CCDC201: variants seen among roughly 807,000 people sequenced by gnomAD.
CCDC201 encodes coiled-coil domain-containing protein 201.
intron 1 of CCDC201, among the ~76,000 whole-genome samples, chr7:45,870,111 C>A (rs1011402155): frequency 2.0e-5 from 3 of 152,138 alleles, no homozygotes; most frequent in African/African-American, 7.2e-5. Flanking sequence ...GCCACCGCAG[C>A]CAGCAGTTGC....
At chr7:45,881,178 G>A in the CCDC201 span, among the ~76,000 whole-genome samples, 1 of 152,080 alleles carries the variant, frequency 6.6e-6, no homozygotes, top group Admixed American at 6.6e-5. Context: ...GAAGATTCTT[G>A]GGGGAATGAG....
chr7:45,869,591 G>A (rs941538133), intron 1 of CCDC201, among the ~76,000 whole-genome samples: 1 of 152,070 alleles, frequency 6.6e-6, no homozygotes, highest in African/African-American at 2.4e-5. Context: ...TTTGTACATC[G>A]TTTCCTTCAG....
chr7:45,878,302 G>A, the CCDC201 span, among the ~76,000 whole-genome samples: 7 of 152,218 alleles, frequency 4.6e-5, no homozygotes, highest in Non-Finnish European at 8.8e-5. Context: ...TCTTCGCACA[G>A]CTCTACTGGG....
upstream of CCDC201, among the ~76,000 whole-genome samples, chr7:45,876,339 T>TA (rs1786808043): frequency 6.6e-6 from 1 of 152,166 alleles, no homozygotes; most frequent in Non-Finnish European, 1.5e-5. Flanking sequence ...CAAGGACTGA[T>TA]ACAGAAAAAT....
At chr7:45,861,539 T>C (rs1372583748) in exon 3 of CCDC201, 1 of 152,214 alleles carries the variant, frequency 6.6e-6, no homozygotes, top group East Asian at 1.9e-4. Context: ...AAGAATCTCA[T>C]TCTCTGTTGG....
At chr7:45,882,837 T>C in the CCDC201 span, among the ~76,000 whole-genome samples, 3 of 152,214 alleles carry the variant, frequency 2.0e-5, no homozygotes, top group Admixed American at 6.5e-5. Flanking sequence ...ACAAATTCCA[T>C]GTCTAGCACT....
intron 2 of CCDC201, among the ~76,000 whole-genome samples, chr7:45,864,047 C>A (rs1338384729): frequency 6.6e-6 from 1 of 152,092 alleles, no homozygotes; most frequent in African/African-American, 2.4e-5. Context: ...ATTCCCAGTG[C>A]CCCTCCCTAC....
upstream of CCDC201, among the ~76,000 whole-genome samples, chr7:45,875,428 G>A (rs1786789874): frequency 7.1e-6 from 1 of 141,790 alleles, no homozygotes. Context: ...CCGGGAGGAG[G>A]AGGCTTCAGT....
chr7:45,880,687 G>A, the CCDC201 span, among the ~76,000 whole-genome samples: 460 of 152,354 alleles, frequency 3.0e-3, 1 homozygote, highest in African/African-American at 0.01. Context: ...TGGCCATGTC[G>A]CAAAGTCCTG....
intron 2 of CCDC201, among the ~76,000 whole-genome samples, chr7:45,864,538 G>A (rs1010382557): frequency 3.3e-5 from 5 of 152,148 alleles, no homozygotes; most frequent in East Asian, 3.9e-4. Flanking sequence ...CTCGGAACTC[G>A]GGGCTTTCCG....
At chr7:45,875,956 A>G (rs768589520), upstream of CCDC201, among the ~76,000 whole-genome samples, 3 of 152,274 alleles carry the variant, frequency 2.0e-5, no homozygotes, top group Non-Finnish European at 4.4e-5. Context: ...GCCCCAGAAT[A>G]GTGGCCTGCA....
chr7:45,861,558 A>G (rs1169860283), exon 3 of CCDC201: 1 of 152,236 alleles, frequency 6.6e-6, no homozygotes, highest in African/African-American at 2.4e-5. Flanking sequence ...GGAAACCTCC[A>G]AAGAAATGTG....
At chr7:45,883,859 T>A in the CCDC201 span, among the ~76,000 whole-genome samples, 1 of 152,102 alleles carries the variant, frequency 6.6e-6, no homozygotes, top group African/African-American at 2.4e-5. Context: ...TCATGGCTGA[T>A]CCTCAGCTTC....
At chr7:45,879,331 A>G in the CCDC201 span, among the ~76,000 whole-genome samples, 1 of 152,204 alleles carries the variant, frequency 6.6e-6, no homozygotes. Context: ...CCACATTTTA[A>G]GGTATATTTA....
chr7:45,877,714 C>T (rs754590744), upstream of CCDC201, among the ~76,000 whole-genome samples: 1 of 152,184 alleles, frequency 6.6e-6, no homozygotes, highest in African/African-American at 2.4e-5. Flanking sequence ...CCTCCTTCAG[C>T]ATTGGGAATT....
chr7:45,883,388 G>C, the CCDC201 span, among the ~76,000 whole-genome samples: 1 of 152,166 alleles, frequency 6.6e-6, no homozygotes, highest in Admixed American at 6.5e-5. Context: ...GCACAGGGGG[G>C]CACTGAAATC....
chr7:45,863,442 C>A (rs1168976293), intron 2 of CCDC201, among the ~76,000 whole-genome samples: 4 of 152,082 alleles, frequency 2.6e-5, no homozygotes, highest in African/African-American at 9.7e-5. Flanking sequence ...AAGGAGGGGA[C>A]AGGGACAAAA....
At chr7:45,881,553 G>A in the CCDC201 span, among the ~76,000 whole-genome samples, 1 of 152,186 alleles carries the variant, frequency 6.6e-6, no homozygotes, top group African/African-American at 2.4e-5. Context: ...ATGCCAATTA[G>A]TGAGTGACCG....
chr7:45,881,114 G>A, the CCDC201 span, among the ~76,000 whole-genome samples: 1 of 152,262 alleles, frequency 6.6e-6, no homozygotes, highest in Admixed American at 6.5e-5. Context: ...GCCCATGCAT[G>A]GTCCGGGTAA....
Sources: gnomAD v4.1 joint callset for allele counts (sites outside exome capture counted in the v4.1 genomes callset) on GRCh38, gnomAD v4.1.1 for gene constraint, MANE v1.5 for transcripts, NCBI Gene and HGNC (gene_info 2026-07-23, HGNC 2026-07-21) for gene names.